The following NLGN1 variants were observed in gnomAD, a reference collection of about 807,000 sequenced individuals.
NLGN1 encodes neuroligin 1.
In NLGN1, 12 loss-of-function variants were observed where a neutral mutation model predicts 65.5. The observed-to-expected ratio is 0.18, with a 90% CI of 0.12 to 0.30. NLGN1 has a LOEUF of 0.30. Ranked by LOEUF, NLGN1 falls within the 10% of genes least tolerant of loss-of-function variation. The pLI is 1.00. For missense variants in NLGN1, 750 were observed against 1,007.1 expected (o/e 0.74, Z 3.46); for synonymous variants, 350 against 359.5 (o/e 0.97, Z 0.30).
chr3:173,408,924 A>T (rs1711907508), intron 1 of NLGN1, among the ~76,000 whole-genome samples: 1 of 151,884 alleles, frequency 6.6e-6, no homozygotes, highest in African/African-American at 2.4e-5. Flanking sequence ...AAAAAAAAAA[A>T]AAAGAATAGG....
chr3:174,182,463 G>A, intron 4 of NLGN1, among the ~76,000 whole-genome samples: 1 of 152,124 alleles, frequency 6.6e-6, no homozygotes, highest in East Asian at 1.9e-4. Flanking sequence ...TGGGCATGGA[G>A]AACTGAAACT....
chr3:173,436,291 A>G (rs185476195), intron 2 of NLGN1, among the ~76,000 whole-genome samples: 127 of 152,332 alleles, frequency 8.3e-4, no homozygotes, highest in Non-Finnish European at 1.6e-3. Context: ...CCAATATTAA[A>G]ATTATTTCAG....
chr3:173,794,744 T>G (rs1713639495), intron 3 of NLGN1, among the ~76,000 whole-genome samples: 1 of 152,132 alleles, frequency 6.6e-6, no homozygotes, highest in Admixed American at 6.6e-5. Context: ...AGGTTAGGGG[T>G]TAGTCTATTT....
intron 2 of NLGN1, among the ~76,000 whole-genome samples, chr3:173,486,562 T>TA (rs1728211643): frequency 6.6e-6 from 1 of 152,178 alleles, no homozygotes; most frequent in Non-Finnish European, 1.5e-5. Context: ...CCACAAAGCA[T>TA]AGGGCTTTGT....
chr3:173,723,850 A>G (rs188654503), intron 3 of NLGN1, among the ~76,000 whole-genome samples: 53 of 152,302 alleles, frequency 3.5e-4, no homozygotes, highest in East Asian at 2.7e-3. Flanking sequence ...TTGATTAATG[A>G]TGATTCAGAT....
chr3:173,761,233 G>T lies in NLGN1; in HGVS notation c.494-46447G>T, dbSNP rs1777925363. 6.6e-5 allele frequency among the ~76,000 whole-genome samples: 10 copies of T among 152,028 alleles called. 1 individual carries two copies. Among genetic ancestry groups the T allele is most frequent in the Admixed American group, 6.6e-4 (10 of 15,222 alleles). Reference sequence around the variant, plus strand: ...TAAAGAACACTGAGATGCAGTTCTTGTGTCAGAAACAACCTAATTTGCTTG... The same window carrying T: ...TAAAGAACACTGAGATGCAGTTCTTTTGTCAGAAACAACCTAATTTGCTTG... On this transcript the variant is annotated intron_variant, in intron 3 of 6. Coordinates refer to ENST00000457714, the Ensembl canonical transcript of NLGN1.
At chr3:173,517,238 A>C (rs927655455) in intron 2 of NLGN1, among the ~76,000 whole-genome samples, 1 of 152,056 alleles carries the variant, frequency 6.6e-6, no homozygotes, top group South Asian at 2.1e-4. Flanking sequence ...CCCTTAAATG[A>C]AGTAATGAGA....
intron 4 of NLGN1, among the ~76,000 whole-genome samples, chr3:174,089,824 G>A (rs1744153061): frequency 6.6e-6 from 1 of 151,760 alleles, no homozygotes; most frequent in Admixed American, 6.6e-5. Context: ...AATTTCTATG[G>A]CAAATTCACA....
At chr3:173,592,853 G>A (rs1174437900) in intron 2 of NLGN1, among the ~76,000 whole-genome samples, 1 of 152,102 alleles carries the variant, frequency 6.6e-6, no homozygotes, top group Non-Finnish European at 1.5e-5. Flanking sequence ...GTTTGGATAA[G>A]ATCTCACACC....
chr3:174,024,260 C>T (rs894172699), intron 4 of NLGN1, among the ~76,000 whole-genome samples: 9 of 151,620 alleles, frequency 5.9e-5, no homozygotes, highest in African/African-American at 2.2e-4. Context: ...TTTCATGATT[C>T]CTATCAATAG....
intron 2 of NLGN1, among the ~76,000 whole-genome samples, chr3:173,599,733 G>C (rs916415318): frequency 6.6e-6 from 1 of 152,084 alleles, no homozygotes; most frequent in African/African-American, 2.4e-5. Flanking sequence ...TAGTACAGTT[G>C]ATCTTCATTA....
chr3:173,659,546 G>C (rs1294655981), intron 3 of NLGN1, among the ~76,000 whole-genome samples: 3 of 151,876 alleles, frequency 2.0e-5, no homozygotes, highest in Non-Finnish European at 4.4e-5. Context: ...TTAGCACTTA[G>C]AAACTTCCAG....
chr3:173,674,531 G>A (rs1762871230), intron 3 of NLGN1, among the ~76,000 whole-genome samples: 1 of 152,042 alleles, frequency 6.6e-6, no homozygotes, highest in African/African-American at 2.4e-5. Flanking sequence ...TAGGAAAAAA[G>A]AATTGTAATG....
intron 3 of NLGN1, among the ~76,000 whole-genome samples, chr3:173,774,483 G>A (rs1780018392): frequency 6.6e-6 from 1 of 152,106 alleles, no homozygotes; most frequent in Non-Finnish European, 1.5e-5. Flanking sequence ...TTATTGGTCT[G>A]GCCAAGAAGT....
At chr3:173,499,201 G>T (rs1350307370) in intron 2 of NLGN1, among the ~76,000 whole-genome samples, 3 of 151,846 alleles carry the variant, frequency 2.0e-5, no homozygotes, top group Non-Finnish European at 1.5e-5. Flanking sequence ...TAACATTTAA[G>T]CCTTTAATCC....
chr3:173,927,611 G>C (rs546052287), intron 4 of NLGN1, among the ~76,000 whole-genome samples: 1 of 152,156 alleles, frequency 6.6e-6, no homozygotes, highest in Non-Finnish European at 1.5e-5. Flanking sequence ...AGTAAAGTTA[G>C]AAAGACCTCC....
intron 4 of NLGN1, among the ~76,000 whole-genome samples, chr3:173,894,662 G>A: frequency 1.1e-5 from 1 of 91,678 alleles, no homozygotes; most frequent in South Asian, 3.2e-4. Context: ...ATAGAGATTT[G>A]CTCTTTTTGC....
chr3:173,618,858 C>T (rs1187394270), intron 3 of NLGN1, among the ~76,000 whole-genome samples: 2 of 152,062 alleles, frequency 1.3e-5, no homozygotes, highest in South Asian at 4.2e-4. Context: ...AAGCTGGCAG[C>T]GAGATCAACT....
At chr3:173,691,163 C>A (rs1268843635) in intron 3 of NLGN1, among the ~76,000 whole-genome samples, 1 of 152,048 alleles carries the variant, frequency 6.6e-6, no homozygotes, top group Admixed American at 6.6e-5. Flanking sequence ...AGGGAATACT[C>A]CTACTCCTGT....
Sources: allele counts gnomAD v4.1 joint callset (sites outside exome capture counted in the v4.1 genomes callset), GRCh38; gene constraint gnomAD v4.1.1; transcripts MANE v1.5; gene names NCBI Gene and HGNC (gene_info 2026-07-23, HGNC 2026-07-21).